Variants in GLYAT observed in about 807,000 individuals in gnomAD.
The protein encoded by GLYAT is glycine N-acyltransferase.
A neutral mutation model predicts 22.8 loss-of-function variants in GLYAT; 25 were observed. The ratio of observed to expected loss-of-function variants is 1.09; its 90% CI spans 0.80 to 1.53. The LOEUF is 1.53. Among genes scored for constraint, GLYAT ranks in the 40% most tolerant of loss-of-function variants. The probability of loss-of-function intolerance (pLI) is 0.00; values close to 1 mark genes in which losing one functional copy is unlikely to be tolerated. For missense variants in GLYAT, 411 were observed against 353.9 expected (o/e 1.16, Z -1.29); for synonymous variants, 140 against 122.7 (o/e 1.14, Z -0.93).
rs748826338 is a variant in GLYAT at position 58,712,740 on chromosome 11, A to G, written c.316+20T>C. ...AGGACACATAAGTGAGTCAGCACAC[A>G]TCCCATTCCTCTTACTTACTTTGAA... is the stretch of plus-strand genomic sequence containing the variant. On this transcript the variant is annotated intron_variant, in intron 4 of 5. Coordinates refer to ENST00000344743, the MANE Select transcript of GLYAT (RefSeq NM_201648.3). 24 of 1,610,476 alleles carry G rather than the reference A, an allele frequency of 1.5e-5. No homozygotes were observed. In the Admixed American group the frequency reaches 2.8e-4, roughly 19 times the overall value.
At position 58,712,824 on chromosome 11, in the gene GLYAT, T is replaced by C. The variant is rs1433238597; in HGVS notation, c.252A>G (p.Gln84=). The C allele has an allele frequency of 5.0e-6, 8 of 1,608,964 alleles. No individual in the cohort carries two copies. The highest frequency in any genetic ancestry group is 1.7e-5 in the Admixed American group (1 of 59,942). Residue 84 remains glutamine, a synonymous_variant, in exon 4 of 6, where the codon CAA becomes CAG. Coordinates refer to ENST00000344743, the MANE Select transcript of GLYAT (RefSeq NM_201648.3). ...GTGATCCAAGGAATTCCTGACAGTT[T>C]TGGGGATCTTTGGAGTAGATTTGGT... The part of the protein sequence containing the change: ...NTYQIYSKDP[Q]NCQEFLGSPE...
chr11:58,713,509 G>T (rs1856641813), intron 3 of GLYAT, among the ~76,000 whole-genome samples: 1 of 152,084 alleles, frequency 6.6e-6, no homozygotes. Flanking sequence ...CACAAACTAT[G>T]ACCATGGCAG....
intron 1 of GLYAT, among the ~76,000 whole-genome samples, chr11:58,724,728 GC>G (rs1407674171): frequency 6.6e-6 from 1 of 151,808 alleles, no homozygotes; most frequent in Non-Finnish European, 1.5e-5. Context: ...ATGAATTCCA[GC>G]CATTAATTTC....
chr11:58,713,346 A>G (rs186072988), intron 3 of GLYAT, among the ~76,000 whole-genome samples: 1 of 152,188 alleles, frequency 6.6e-6, no homozygotes, highest in Admixed American at 6.6e-5. Context: ...TTATCCACAT[A>G]TCACGTTAAA....
intron 3 of GLYAT, among the ~76,000 whole-genome samples, chr11:58,713,887 ATTGT>A (rs1165755787): frequency 6.6e-6 from 1 of 152,040 alleles, no homozygotes; most frequent in Non-Finnish European, 1.5e-5. Flanking sequence ...CATTTCATAT[ATTGT>A]TTATTTTTTT....
intron 1 of GLYAT, among the ~76,000 whole-genome samples, chr11:58,728,939 A>T (rs567159892): frequency 6.7e-6 from 1 of 150,268 alleles, no homozygotes; most frequent in Admixed American, 6.6e-5. Context: ...GGAAGGAAGG[A>T]AGGAAGGAGA....
chr11:58,728,941 G>A (rs188551272), intron 1 of GLYAT, among the ~76,000 whole-genome samples: 5 of 140,944 alleles, frequency 3.5e-5, no homozygotes, highest in African/African-American at 1.3e-4. Context: ...AAGGAAGGAA[G>A]GAAGGAGAGA....
intron 2 of GLYAT, among the ~76,000 whole-genome samples, chr11:58,718,070 GAC>G (rs1856705482): frequency 1.3e-5 from 2 of 151,910 alleles, no homozygotes; most frequent in Admixed American, 6.6e-5. Flanking sequence ...AAAATATATG[GAC>G]ATTTTTTTCA....
At chr11:58,728,371 A>G (rs11229602) in intron 1 of GLYAT, among the ~76,000 whole-genome samples, 3 of 151,788 alleles carry the variant, frequency 2.0e-5, no homozygotes, top group African/African-American at 7.3e-5. Flanking sequence ...AAAGCTTTTT[A>G]AAAAACTTTC....
At chr11:58,719,411 T>G (rs959732059) in intron 2 of GLYAT, among the ~76,000 whole-genome samples, 6 of 151,988 alleles carry the variant, frequency 3.9e-5, no homozygotes, top group Admixed American at 2.0e-4. Flanking sequence ...ATTAAAGAGT[T>G]GGTTAATGCT....
intron 1 of GLYAT, among the ~76,000 whole-genome samples, chr11:58,730,242 A>C (rs1590676945): frequency 6.6e-6 from 1 of 152,278 alleles, no homozygotes; most frequent in South Asian, 2.1e-4. Context: ...TCAGAGGCCA[A>C]GGAGGGAGGA....
At chr11:58,712,985 G>C in intron 3 of GLYAT, 99 bp from the exon 4 acceptor site, 1 of 713,800 alleles carries the variant, frequency 1.4e-6, no homozygotes, top group East Asian at 2.9e-5. Context: ...AATATTGGTA[G>C]TTTTATTGGT....
chr11:58,714,248 CAT>C (rs1255301742), intron 3 of GLYAT, among the ~76,000 whole-genome samples: 1 of 152,110 alleles, frequency 6.6e-6, no homozygotes, highest in African/African-American at 2.4e-5. Flanking sequence ...GTTCAAGAGA[CAT>C]ATTGTACAAC....
chr11:58,709,990 C>A lies in GLYAT; in HGVS notation c.667G>T (p.Asp223Tyr). Residue 223 changes from aspartate (D) to tyrosine (Y), a missense_variant, in exon 6 of 6, where the codon GAC (aspartate) becomes TAC (tyrosine). Physicochemically the swap from Asp to Tyr is radical, Grantham distance 160 (BLOSUM62 -3). Transcript: ENST00000344743. ...EGTPVCWDLM[D>Y]QTGEMRMAGT... is the part of the protein sequence containing the mutation. The stretch of plus-strand genomic sequence containing the variant: ...GCCATTCTCATCTCTCCAGTCTGGT[C>A]CATTAGATCCCAGCACACAGGGGTC... 1 of 1,614,090 alleles carries A rather than the reference C, an allele frequency of 6.2e-7. No individual in the cohort carries two copies. The highest frequency in any genetic ancestry group is 8.5e-7 in the Non-Finnish European group (1 of 1,179,966).
At chr11:58,719,825 T>C (rs1856727209) in intron 2 of GLYAT, among the ~76,000 whole-genome samples, 1 of 152,030 alleles carries the variant, frequency 6.6e-6, no homozygotes, top group Non-Finnish European at 1.5e-5. Context: ...TAAAAAATTT[T>C]ATCTCAGTTT....
intron 3 of GLYAT, among the ~76,000 whole-genome samples, chr11:58,713,487 A>T (rs191950035): frequency 6.6e-6 from 1 of 152,266 alleles, no homozygotes; most frequent in African/African-American, 2.4e-5. Context: ...CAGTTCAAAG[A>T]CTTGCAGAAT....
chr11:58,715,252 C>A, intron 3 of GLYAT, 64 bp downstream of exon 3: 1 of 775,262 alleles, frequency 1.3e-6, no homozygotes, highest in Non-Finnish European at 2.3e-6. Context: ...TACCATATTG[C>A]TAAGAATGTA....
intron 1 of GLYAT, chr11:58,728,754 C>A (rs1294226762): frequency 4.1e-5 from 6 of 147,592 alleles, no homozygotes; most frequent in Non-Finnish European, 7.4e-5. Context: ...GGTTTTGGAG[C>A]TTAAGGAGGC....
At position 58,724,396 on chromosome 11, in the gene GLYAT, T is replaced by C. The variant is rs1369560278; in HGVS notation, c.81+20A>G. The C allele has an allele frequency of 7.0e-7, 1 of 1,432,886 alleles. No individual in the cohort carries two copies. The highest frequency in any genetic ancestry group is 1.8e-5 in the Admixed American group (1 of 56,996). 88.8% of individuals were successfully genotyped at this position (1,432,886 alleles called of 1,614,324 possible). A position where few individuals can be genotyped will look rare whatever the true frequency, so the allele number is the denominator to read the frequency against. ...ATCAAGTTTGTCTTCTTTACTCCTC[T>C]CAGAATTTTCCATTATCACCTTTAA... On this transcript the variant is annotated intron_variant, in intron 2 of 5. Coordinates refer to ENST00000344743, the MANE Select transcript of GLYAT (RefSeq NM_201648.3).
Sources: gnomAD v4.1 joint callset for allele counts (sites outside exome capture counted in the v4.1 genomes callset) on GRCh38, gnomAD v4.1.1 for gene constraint, MANE v1.5 for transcripts, NCBI Gene and HGNC (gene_info 2026-07-23, HGNC 2026-07-21) for gene names.